Variants in CSMD2 observed in about 807,000 individuals in gnomAD.
CSMD2 encodes CUB and Sushi multiple domains 2.
CSMD2 carries 130 observed loss-of-function variants against 398.5 expected under a neutral mutation model. The observed-to-expected ratio is 0.33, with a 90% CI of 0.28 to 0.38. CSMD2 has a LOEUF of 0.38. CSMD2 is among the 10% of genes least tolerant of loss of function. CSMD2 has a pLI of 1.00. For missense variants in CSMD2, 3,829 were observed against 4,764.9 expected (o/e 0.80, Z 5.78); for synonymous variants, 1,828 against 1,908.5 (o/e 0.96, Z 1.10).
chr1:33,693,630 C>T (rs1382607197), intron 24 of CSMD2, among the ~76,000 whole-genome samples: 1 of 152,180 alleles, frequency 6.6e-6, no homozygotes, highest in East Asian at 1.9e-4. Flanking sequence ...CACATAAAAA[C>T]TTGAACATGA....
chr1:34,039,475 C>T (rs1189676169), intron 2 of CSMD2, among the ~76,000 whole-genome samples: 1 of 152,224 alleles, frequency 6.6e-6, no homozygotes, highest in Non-Finnish European at 1.5e-5. Flanking sequence ...GGGTTGTTTG[C>T]TACCACCATG....
intron 13 of CSMD2, among the ~76,000 whole-genome samples, chr1:33,754,362 A>C (rs1648698408): frequency 6.6e-6 from 1 of 151,926 alleles, no homozygotes; most frequent in East Asian, 1.9e-4. Context: ...TCTTGCTCCC[A>C]CTCTTGCCAT....
intron 26 of CSMD2, among the ~76,000 whole-genome samples, chr1:33,659,934 C>T (rs1644076648): frequency 6.6e-6 from 1 of 152,248 alleles, no homozygotes; most frequent in Non-Finnish European, 1.5e-5. Context: ...AGCTACTGAA[C>T]TTATTTGTAA....
At chr1:34,019,413 C>G (rs143315276) in intron 3 of CSMD2, among the ~76,000 whole-genome samples, 1 of 152,310 alleles carries the variant, frequency 6.6e-6, no homozygotes, top group African/African-American at 2.4e-5. Flanking sequence ...GCAGAACAGA[C>G]AGAAATATCA....
In CSMD2 at chr1:33,772,592, G is replaced by A. The variant is rs1651433437; in HGVS notation, c.1823C>T (p.Ser608Leu). 1.2e-6 allele frequency: 2 copies of A among 1,613,652 alleles called. No homozygotes were observed. The highest frequency in any genetic ancestry group is 1.7e-5 in the Admixed American group (1 of 59,986). Reference sequence around the variant, plus strand: ...ACACACGCAGCCTGGCTTCTTAGCCGACCATTGGTTATTCTTTTGGCATGT... The same window carrying A: ...ACACACGCAGCCTGGCTTCTTAGCCAACCATTGGTTATTCTTTTGGCATGT... ...AITCQKNNQW[S>L]AKKPGCVFSC... The change falls in exon 13 of 71, where the codon TCG (serine) becomes TTG (leucine). Residue 608 changes from serine (S) to leucine (L), a missense_variant. This residue lies in a region of CSMD2 where 2,001 missense variants were observed against 2,567.1 expected (regional missense o/e 0.78). Coordinates refer to ENST00000373381, the MANE Select transcript of CSMD2 (RefSeq NM_001281956.2).
chr1:33,605,730 G>A (rs1640550202), intron 41 of CSMD2: 3 of 801,086 alleles, frequency 3.7e-6, no homozygotes, highest in Admixed American at 2.7e-5. Flanking sequence ...TCAGTAAATA[G>A]TATCTATTAT....
chr1:34,125,264 G>A (rs1180599891), intron 1 of CSMD2, among the ~76,000 whole-genome samples: 2 of 152,200 alleles, frequency 1.3e-5, no homozygotes, highest in Non-Finnish European at 2.9e-5. Flanking sequence ...AGATATAAAT[G>A]CACAGAAGCT....
intron 6 of CSMD2, among the ~76,000 whole-genome samples, chr1:33,827,099 CT>C (rs1476233911): frequency 1.3e-5 from 2 of 152,228 alleles, no homozygotes; most frequent in Non-Finnish European, 2.9e-5. Context: ...TGATTCAAGT[CT>C]GAGATACCTT....
intron 1 of CSMD2, among the ~76,000 whole-genome samples, chr1:34,153,154 C>A (rs1053780847): frequency 6.6e-6 from 1 of 152,156 alleles, no homozygotes; most frequent in Non-Finnish European, 1.5e-5. Context: ...GTAGCTGGGA[C>A]TACAGGTGCG....
intron 2 of CSMD2, among the ~76,000 whole-genome samples, chr1:34,054,401 G>A (rs1653579737): frequency 6.6e-6 from 1 of 152,070 alleles, no homozygotes. Flanking sequence ...GTGAACTTTT[G>A]TCCTTGGGTC....
intron 21 of CSMD2, among the ~76,000 whole-genome samples, chr1:33,712,196 C>T (rs900939630): frequency 2.0e-5 from 3 of 152,162 alleles, no homozygotes; most frequent in African/African-American, 7.2e-5. Flanking sequence ...TAGGTCTTCT[C>T]CATCACACCA....
chr1:33,705,919 G>T (rs1405744398), intron 22 of CSMD2, among the ~76,000 whole-genome samples: 3 of 141,662 alleles, frequency 2.1e-5, no homozygotes, highest in Admixed American at 7.0e-5. Flanking sequence ...TGCTAGTATT[G>T]TCTACTTTAT....
At chr1:34,131,532 C>G (rs1028280550) in intron 1 of CSMD2, among the ~76,000 whole-genome samples, 3 of 152,094 alleles carry the variant, frequency 2.0e-5, no homozygotes, top group Admixed American at 2.0e-4. Context: ...CACCTTCTTC[C>G]CCAACTCCAC....
At chr1:33,802,189 C>T (rs1338468483) in intron 10 of CSMD2, among the ~76,000 whole-genome samples, 1 of 152,156 alleles carries the variant, frequency 6.6e-6, no homozygotes, top group African/African-American at 2.4e-5. Context: ...ACATCCCAGT[C>T]GAAGGGAGGG....
intron 3 of CSMD2, among the ~76,000 whole-genome samples, chr1:33,946,771 AC>A (rs559292083): frequency 0.032 from 1,751 of 54,176 alleles, 36 homozygotes; most frequent in African/African-American, 0.15. Flanking sequence ...GGCGCGCACC[AC>A]CCACCATGTC....
At chr1:34,081,352 G>T (rs1657086990) in intron 2 of CSMD2, among the ~76,000 whole-genome samples, 2 of 152,074 alleles carry the variant, frequency 1.3e-5, no homozygotes, top group Non-Finnish European at 2.9e-5. Context: ...CCTCCGAGGT[G>T]TGAGCTCCTC....
intron 13 of CSMD2, among the ~76,000 whole-genome samples, chr1:33,765,782 G>T (rs1650411013): frequency 2.0e-5 from 3 of 152,102 alleles, no homozygotes; most frequent in Admixed American, 6.5e-5. Flanking sequence ...ATACCACAAA[G>T]AATTTCTATA....
intron 51 of CSMD2, among the ~76,000 whole-genome samples, chr1:33,570,166 CTTTT>C (rs5773416): frequency 4.3e-5 from 5 of 117,288 alleles, no homozygotes; most frequent in Admixed American, 9.6e-5. Context: ...CGGACATTGG[CTTTT>C]TTTTTTTTTT....
chr1:33,574,953 T>G lies in CSMD2; in HGVS notation c.7577-2262A>C, dbSNP rs148747836. On this transcript the variant is annotated intron_variant, in intron 49 of 70. Transcript: ENST00000373381. ...TGGAGAGTCAATCCAGGGAGGGCAG[T>G]GAAGGAAGTGGGCGGCAGCCACTTC... Among the ~76,000 whole-genome samples, 555 of 152,254 alleles carry G rather than the reference T, an allele frequency of 3.6e-3. 1 individual carries two copies. The highest frequency in any genetic ancestry group is 5.6e-3 in the Non-Finnish European group (379 of 68,014).
Sources: allele counts gnomAD v4.1 joint callset (sites outside exome capture counted in the v4.1 genomes callset), GRCh38; gene constraint gnomAD v4.1.1; regional missense constraint gnomAD v4.1.1; transcripts MANE v1.5; gene names NCBI Gene and HGNC (gene_info 2026-07-23, HGNC 2026-07-21).